The following CALN1 variants were observed in gnomAD, a reference collection of about 807,000 sequenced individuals.
CALN1 encodes the protein calneuron 1, also known as calcium-binding protein 8.
In CALN1, 17 loss-of-function variants were observed where a neutral mutation model predicts 30.6. The ratio of observed to expected loss-of-function variants is 0.56; its 90% CI spans 0.38 to 0.83. CALN1 has a LOEUF of 0.83. CALN1 is among the 40% of genes least tolerant of loss of function. The pLI, the probability that CALN1 is intolerant of heterozygous loss-of-function variation, is 0.00. For synonymous variants in CALN1, 156 were observed against 131.4 expected (o/e 1.19, Z -1.28); for missense variants, 291 against 354.9 (o/e 0.82, Z 1.45).
intron 4 of CALN1, among the ~76,000 whole-genome samples, chr7:72,067,528 G>C (rs1422363829): frequency 6.6e-6 from 1 of 152,058 alleles, no homozygotes; most frequent in Non-Finnish European, 1.5e-5. Context: ...GGAATTACAG[G>C]CATGAGCAAC....
chr7:72,252,018 C>A (rs746096079), intron 3 of CALN1, among the ~76,000 whole-genome samples: 4 of 152,178 alleles, frequency 2.6e-5, no homozygotes, highest in Non-Finnish European at 5.9e-5. Context: ...GCACACCACA[C>A]AAGATATTTT....
intron 5 of CALN1, among the ~76,000 whole-genome samples, chr7:72,021,918 C>T (rs1368037114): frequency 6.6e-6 from 1 of 152,128 alleles, no homozygotes; most frequent in Non-Finnish European, 1.5e-5. Context: ...ATGATCTGAC[C>T]CCTGCCAATA....
chr7:71,953,355 C>A (rs2129524332), intron 5 of CALN1, among the ~76,000 whole-genome samples: 1 of 152,202 alleles, frequency 6.6e-6, no homozygotes, highest in South Asian at 2.1e-4. Flanking sequence ...TTGTTCCCTG[C>A]ACTATTTAAG....
chr7:72,412,943 G>A (rs1385367710), upstream of CALN1, among the ~76,000 whole-genome samples: 6 of 152,134 alleles, frequency 3.9e-5, no homozygotes, highest in African/African-American at 1.4e-4. Context: ...CTTTCTCCTG[G>A]GGCAGCTGGT....
At chr7:72,146,709 C>A (rs1033915147) in intron 3 of CALN1, among the ~76,000 whole-genome samples, 31 of 152,186 alleles carry the variant, frequency 2.0e-4, no homozygotes, top group Non-Finnish European at 3.2e-4. Context: ...CACTACCTGA[C>A]TTCAAACTAT....
intron 2 of CALN1, among the ~76,000 whole-genome samples, chr7:72,340,635 G>C (rs1293866126): frequency 1.3e-5 from 2 of 152,184 alleles, no homozygotes; most frequent in East Asian, 1.9e-4. Flanking sequence ...CCAGTGACAT[G>C]CTTGAGCCAC....
intron 3 of CALN1, among the ~76,000 whole-genome samples, chr7:72,154,517 T>C (rs1787508751): frequency 6.6e-6 from 1 of 152,162 alleles, no homozygotes; most frequent in African/African-American, 2.4e-5. Flanking sequence ...GTGTCAGCAA[T>C]GTCTCTACAC....
chr7:72,229,060 C>G (rs1312113014), intron 3 of CALN1, among the ~76,000 whole-genome samples: 1 of 151,586 alleles, frequency 6.6e-6, no homozygotes, highest in Non-Finnish European at 1.5e-5. Flanking sequence ...CCACCACACC[C>G]AGCCCATTTT....
intron 2 of CALN1, among the ~76,000 whole-genome samples, chr7:72,321,373 G>C (rs1411439562): frequency 1.3e-5 from 2 of 152,178 alleles, no homozygotes; most frequent in African/African-American, 2.4e-5. Context: ...TCACGGCTGG[G>C]TGATAAATGC....
intron 2 of CALN1, among the ~76,000 whole-genome samples, chr7:72,288,485 G>C (rs1466925574): frequency 6.6e-6 from 1 of 152,074 alleles, no homozygotes; most frequent in African/African-American, 2.4e-5. Flanking sequence ...ACACTTAGGG[G>C]GAAAGGAATT....
intron 4 of CALN1, among the ~76,000 whole-genome samples, chr7:72,044,272 C>T (rs188730924): frequency 2.7e-4 from 41 of 152,226 alleles, no homozygotes; most frequent in South Asian, 1.0e-3. Context: ...AGTTTGTGCT[C>T]AGAGCTGAAG....
intron 5 of CALN1, among the ~76,000 whole-genome samples, chr7:72,013,147 G>A (rs1800182125): frequency 6.6e-6 from 1 of 151,914 alleles, no homozygotes; most frequent in South Asian, 2.1e-4. Flanking sequence ...CATAACCATG[G>A]GCGTGTGAAC....
At chr7:72,222,233 G>GAA (rs71531794) in intron 3 of CALN1, among the ~76,000 whole-genome samples, 1 of 147,346 alleles carries the variant, frequency 6.8e-6, no homozygotes, top group South Asian at 2.1e-4. Context: ...CTCAAAAAAA[G>GAA]AAAAAAAAAA....
the CALN1 span, among the ~76,000 whole-genome samples, chr7:72,463,580 G>A: frequency 3.9e-5 from 6 of 151,966 alleles, no homozygotes; most frequent in African/African-American, 1.5e-4. Flanking sequence ...ATTTTTTTGA[G>A]TCAGTGTCTC....
intron 5 of CALN1, among the ~76,000 whole-genome samples, chr7:71,856,540 C>T (rs1329168063): frequency 6.6e-6 from 1 of 152,158 alleles, no homozygotes; most frequent in East Asian, 1.9e-4. Context: ...TGAACATATA[C>T]ATCTAGATGT....
At chr7:72,100,711 T>A (rs959430048) in intron 4 of CALN1, among the ~76,000 whole-genome samples, 1 of 149,964 alleles carries the variant, frequency 6.7e-6, no homozygotes, top group African/African-American at 2.4e-5. Context: ...TCCCAGCTAC[T>A]TGGGAAGCTG....
In CALN1 at chr7:71,865,237, C is replaced by T. The variant is rs569664123; in HGVS notation, c.502-54745G>A. On this transcript the variant is annotated intron_variant, in intron 5 of 6. Transcript: ENST00000395275. ...GGTGGTTTCTCATGGTTTAACATTA[C>T]CCCCTTGGTGCTGCCCTGTCAAGAG... 1.9e-3 allele frequency among the ~76,000 whole-genome samples: 292 copies of T among 152,196 alleles called. 1 individual carries two copies. Among genetic ancestry groups the T allele is most frequent in the African/African-American group, 6.7e-3 (280 of 41,530 alleles).
At position 72,380,705 on chromosome 7, in the gene CALN1, T is replaced by TTAGA. The variant is rs370157902; in HGVS notation, c.119+22542_119+22545dup. ...TGGATGGATGGATACATACATTAGA[T>TTAGA]TAGATAGATAGATAGATACATAGAT... On this transcript the variant is annotated intron_variant, in intron 2 of 6. Coordinates refer to ENST00000395275, the MANE Select transcript of CALN1 (RefSeq NM_031468.4). 6.1e-3 allele frequency among the ~76,000 whole-genome samples: 700 copies of TTAGA among 114,672 alleles called. 2 individuals carry two copies. The highest frequency in any genetic ancestry group is 0.021 in the African/African-American group (668 of 31,894). The allele number at this position is 114,672 out of a possible 152,430, so 75.2% of individuals were successfully genotyped here. A position where few individuals can be genotyped will look rare whatever the true frequency, so the allele number is the denominator to read the frequency against.
intron 2 of CALN1, among the ~76,000 whole-genome samples, chr7:72,291,330 T>A (rs1177556692): frequency 2.0e-5 from 3 of 152,348 alleles, no homozygotes; most frequent in African/African-American, 7.2e-5. Flanking sequence ...ACTTTCCCAG[T>A]GACAAACTGT....
Sources: allele counts gnomAD v4.1 joint callset (sites outside exome capture counted in the v4.1 genomes callset), GRCh38; gene constraint gnomAD v4.1.1; transcripts MANE v1.5; gene names NCBI Gene and HGNC (gene_info 2026-07-23, HGNC 2026-07-21).